The following EML4 variants were observed in gnomAD, a reference collection of about 807,000 sequenced individuals.
EML4 encodes the protein echinoderm microtubule-associated protein-like 4.
Under a neutral mutation model 129.0 loss-of-function variants are expected in EML4, and 72 were observed. That is an observed-to-expected ratio of 0.56 (90% confidence interval 0.46 to 0.68). The LOEUF (loss-of-function observed/expected upper bound fraction) is 0.68, where lower values mean the gene tolerates loss of function less well. Ranked by LOEUF, EML4 falls within the 30% of genes least tolerant of loss-of-function variation. The pLI is 0.00. For missense variants in EML4, 1,363 were observed against 1,190.6 expected (o/e 1.14, Z -2.13); for synonymous variants, 532 against 405.0 (o/e 1.31, Z -3.77).
intron 6 of EML4, 126 bp downstream of exon 6, chr2:42,264,857 G>C: frequency 6.7e-7 from 1 of 1,495,942 alleles, no homozygotes; most frequent in Non-Finnish European, 9.1e-7. Flanking sequence ...GTGCGTTACT[G>C]TAGTCATTTA....
intron 1 of EML4, among the ~76,000 whole-genome samples, chr2:42,205,178 C>T (rs1200793644): frequency 1.3e-5 from 2 of 152,118 alleles, no homozygotes; most frequent in Non-Finnish European, 2.9e-5. Flanking sequence ...AAGTTTGCCT[C>T]TTAGATTACA....
chr2:42,199,004 G>A (rs536437168), intron 1 of EML4, among the ~76,000 whole-genome samples: 247 of 152,308 alleles, frequency 1.6e-3, no homozygotes, highest in African/African-American at 5.8e-3. Context: ...AGTGGTTGAA[G>A]TTATGTATCT....
At position 42,202,728 on chromosome 2, in the gene EML4, C is replaced by T. The variant is rs112645906; in HGVS notation, c.25+33092C>T. 7.3e-3 allele frequency among the ~76,000 whole-genome samples: 1,117 copies of T among 152,196 alleles called. 15 individuals carry two copies. The highest frequency in any genetic ancestry group is 0.025 in the African/African-American group (1,056 of 41,526). ...GCAGCTGATTAGATTGTGCCCACCC[C>T]GATTGAGGGTAGGTCTGCCTTTCCC... is the stretch of plus-strand genomic sequence containing the variant. On this transcript the variant is annotated intron_variant, in intron 1 of 22. Coordinates refer to ENST00000318522, the MANE Select transcript of EML4 (RefSeq NM_019063.5).
intron 1 of EML4, among the ~76,000 whole-genome samples, chr2:42,188,629 T>A (rs1671405669): frequency 6.6e-6 from 1 of 152,138 alleles, no homozygotes; most frequent in African/African-American, 2.4e-5. Context: ...CACTGCAGCC[T>A]CTGCCTCCTG....
chr2:42,185,937 G>A (rs949685330), intron 1 of EML4, among the ~76,000 whole-genome samples: 1 of 152,010 alleles, frequency 6.6e-6, no homozygotes, highest in Non-Finnish European at 1.5e-5. Flanking sequence ...AAAATTAGAG[G>A]AAAAATCTAC....
At chr2:42,275,309 T>G (rs760277348) in intron 6 of EML4, among the ~76,000 whole-genome samples, 11 of 152,210 alleles carry the variant, frequency 7.2e-5, no homozygotes, top group Non-Finnish European at 1.5e-4. Flanking sequence ...TATATCTCAA[T>G]TCAGACTAGC....
Position 42,326,180 on chromosome 2 carries a change from A to C in EML4, c.2269A>C (p.Ile757Leu). 1 of 1,613,876 alleles carries C rather than the reference A, an allele frequency of 6.2e-7. No homozygotes were observed. The highest frequency in any genetic ancestry group is 8.5e-7 in the Non-Finnish European group (1 of 1,179,868). Reference protein sequence around the residue: ...YWDIPNGCKLIRNRSDCKDID... With the variant: ...YWDIPNGCKLLRNRSDCKDID... The stretch of plus-strand genomic sequence containing the variant: ...GGACATTCCAAATGGCTGCAAACTA[A>C]TCAGGAATCGATCGGATTGTAAGGA... The change falls in exon 21 of 23, where the codon ATC becomes CTC. Residue 757 changes from isoleucine to leucine, a missense_variant. Coordinates refer to ENST00000318522, the MANE Select transcript of EML4 (RefSeq NM_019063.5).
chr2:42,216,344 G>T (rs1673191180), intron 1 of EML4, among the ~76,000 whole-genome samples: 1 of 145,950 alleles, frequency 6.9e-6, no homozygotes, highest in Admixed American at 7.2e-5. Context: ...CCGGGTTCAA[G>T]CGATTCTCCT....
rs1008186461 is a variant in EML4 at position 42,303,558 on chromosome 2, T to C, written c.1899+112T>C. Reference sequence around the variant, plus strand: ...TGTTGATTCAAACCAAATGTAAACATATGGTTTAGTAATAGAGGGTGGAGA... The same window carrying C: ...TGTTGATTCAAACCAAATGTAAACACATGGTTTAGTAATAGAGGGTGGAGA... On this transcript the variant is annotated intron_variant, in intron 16 of 22. Coordinates refer to ENST00000318522, the MANE Select transcript of EML4 (RefSeq NM_019063.5). The C allele has an allele frequency of 5.2e-6, 6 of 1,158,038 alleles. No homozygotes were observed. The African/African-American group carries it at 7.7e-5, about 15-fold the overall frequency. The allele number at this position is 1,158,038 out of a possible 1,614,324, so 71.7% of individuals were successfully genotyped here.
chr2:42,313,504 G>C (rs992560897), intron 17 of EML4, among the ~76,000 whole-genome samples: 5 of 151,590 alleles, frequency 3.3e-5, no homozygotes, highest in African/African-American at 1.2e-4. Flanking sequence ...ACTAAGCCAC[G>C]TTAAACCATA....
intron 6 of EML4, among the ~76,000 whole-genome samples, chr2:42,267,163 C>T (rs1666108210): frequency 6.6e-6 from 1 of 152,118 alleles, no homozygotes; most frequent in Non-Finnish European, 1.5e-5. Context: ...TAAAGGGTTA[C>T]TGTAAAAATT....
At position 42,188,965 on chromosome 2, in the gene EML4, A is replaced by C. The variant is rs76820792; in HGVS notation, c.25+19329A>C. ...AGGTAAAAATAGACATAGCAAAATCAGTAAAAAGAGCATGGACTTTTTAAA... is the reference window on the plus strand; with the variant it reads ...AGGTAAAAATAGACATAGCAAAATCCGTAAAAAGAGCATGGACTTTTTAAA... On this transcript the variant is annotated intron_variant, in intron 1 of 22. Coordinates refer to ENST00000318522, the MANE Select transcript of EML4 (RefSeq NM_019063.5). Among the ~76,000 whole-genome samples, 1,457 of 152,306 alleles carry C rather than the reference A, an allele frequency of 9.6e-3. 20 individuals carry two copies. The highest frequency in any genetic ancestry group is 0.033 in the African/African-American group (1,383 of 41,566).
chr2:42,209,321 G>A (rs1161248392), intron 1 of EML4, among the ~76,000 whole-genome samples: 1 of 152,002 alleles, frequency 6.6e-6, no homozygotes, highest in Non-Finnish European at 1.5e-5. Flanking sequence ...TTTTTTCCAA[G>A]ATAATATGTT....
intron 16 of EML4, 104 bp downstream of exon 16, chr2:42,303,550 T>A: frequency 8.1e-7 from 1 of 1,240,160 alleles, no homozygotes; most frequent in Non-Finnish European, 1.2e-6. Context: ...TCAAACCAAA[T>A]GTAAACATAT....
chr2:42,297,653 A>G (rs796168633), intron 13 of EML4, among the ~76,000 whole-genome samples: 6 of 152,284 alleles, frequency 3.9e-5, no homozygotes, highest in African/African-American at 1.4e-4. Flanking sequence ...AAGTGTCCAC[A>G]GTTTCCATTT....
At chr2:42,315,446 A>G (rs1201994337) in intron 17 of EML4, among the ~76,000 whole-genome samples, 1 of 152,238 alleles carries the variant, frequency 6.6e-6, no homozygotes, top group African/African-American at 2.4e-5. Context: ...CCAAATAGAC[A>G]TGAGAATATG....
intron 1 of EML4, among the ~76,000 whole-genome samples, chr2:42,184,463 A>G (rs1400450879): frequency 7.0e-6 from 1 of 143,118 alleles, no homozygotes; most frequent in Non-Finnish European, 1.5e-5. Context: ...TTTCATCTCA[A>G]GTTTCTATGA....
rs559896938 is a variant in EML4, at chr2:42,332,314, G to A, written c.*2107G>A. The A allele has an allele frequency of 2.8e-5, 6 of 211,768 alleles. No homozygotes were observed. Among genetic ancestry groups the A allele is most frequent in the Non-Finnish European group, 3.8e-5 (4 of 104,202 alleles). The allele number at this position is 211,768 out of a possible 1,614,324, so 13.1% of individuals were successfully genotyped here. A position where few individuals can be genotyped will look rare whatever the true frequency, so the allele number is the denominator to read the frequency against. ...AAGACACTACTAATACGCAGGAAGC[G>A]TTCCAGCTATTTAATGCTGGCAACT... is the stretch of plus-strand genomic sequence containing the variant. On this transcript the variant is annotated 3_prime_UTR_variant, in exon 23 of 23. Coordinates refer to ENST00000318522, the MANE Select transcript of EML4 (RefSeq NM_019063.5).
intron 1 of EML4, among the ~76,000 whole-genome samples, chr2:42,192,760 C>G (rs1305921173): frequency 2.6e-5 from 4 of 152,156 alleles, no homozygotes; most frequent in Non-Finnish European, 5.9e-5. Context: ...CCCAGAAAAA[C>G]AGTGATAAAT....
Sources: allele counts gnomAD v4.1 joint callset (sites outside exome capture counted in the v4.1 genomes callset), GRCh38; gene constraint gnomAD v4.1.1; transcripts MANE v1.5; gene names NCBI Gene and HGNC (gene_info 2026-07-23, HGNC 2026-07-21).